Variants in PIK3C3 observed in about 807,000 individuals in gnomAD.
PIK3C3 encodes phosphatidylinositol 3-kinase catalytic subunit type 3.
In PIK3C3, 95 loss-of-function variants were observed where a neutral mutation model predicts 126.1. The ratio of observed to expected loss-of-function variants is 0.75; its 90% CI spans 0.64 to 0.89. The LOEUF (loss-of-function observed/expected upper bound fraction) is 0.89, where lower values mean the gene tolerates loss of function less well. Among genes scored for constraint, PIK3C3 ranks in the 40% least tolerant of loss-of-function variants. The probability of loss-of-function intolerance (pLI) is 0.00; values close to 1 mark genes in which losing one functional copy is unlikely to be tolerated. For synonymous variants in PIK3C3, 374 were observed against 360.0 expected, an observed-to-expected ratio of 1.04 and a Z score of -0.44; for missense variants, 829 against 1,063.2, an observed-to-expected ratio of 0.78 and a Z score of 3.06.
intron 5 of PIK3C3, among the ~76,000 whole-genome samples, chr18:41,988,805 A>G (rs183420713): frequency 6.6e-6 from 1 of 152,272 alleles, no homozygotes; most frequent in East Asian, 1.9e-4. Context: ...CTATATACAT[A>G]AACTGGAAGG....
At chr18:41,970,547 T>TA in intron 4 of PIK3C3, 91 bp downstream of exon 4, 3 of 1,092,150 alleles carry the variant, frequency 2.7e-6, no homozygotes, top group South Asian at 2.6e-5. Context: ...GTCAGATTTT[T>TA]AAAAAATCTA....
intron 10 of PIK3C3, among the ~76,000 whole-genome samples, chr18:42,008,940 T>G (rs1033994364): frequency 6.6e-6 from 1 of 152,088 alleles, no homozygotes; most frequent in African/African-American, 2.4e-5. Context: ...TACCGCAGCC[T>G]TTTTTATGTT....
intron 11 of PIK3C3, among the ~76,000 whole-genome samples, chr18:42,014,812 T>G (rs929891622): frequency 2.0e-5 from 3 of 152,186 alleles, no homozygotes; most frequent in African/African-American, 7.2e-5. Flanking sequence ...TTGTGTGTTT[T>G]ATTTGGAGAA....
chr18:42,000,006 A>C (rs1377478319), intron 9 of PIK3C3, among the ~76,000 whole-genome samples: 5 of 152,220 alleles, frequency 3.3e-5, no homozygotes, highest in Non-Finnish European at 7.3e-5. Flanking sequence ...TACTGGCGAC[A>C]AGAAACGACT....
chr18:42,054,172 A>ATATATCTATATATATATC lies in PIK3C3; in HGVS notation c.2264-3706_2264-3705insCTATATATATATCTATAT, dbSNP rs1568002804. ...TATATATATATATATATATATATAT[A>ATATATCTATATATATATC]TATATATATATATATATATAAAGGG... On this transcript the variant is annotated intron_variant, in intron 21 of 24. Coordinates refer to ENST00000262039, the MANE Select transcript of PIK3C3 (RefSeq NM_002647.4). Among the ~76,000 whole-genome samples, 7 of 68,544 alleles carry ATATATCTATATATATATC rather than the reference A, an allele frequency of 1.0e-4. 1 individual carries two copies. Among genetic ancestry groups the ATATATCTATATATATATC allele is most frequent in the Non-Finnish European group, 2.0e-4 (7 of 35,212 alleles). The allele number at this position is 68,544 out of a possible 152,430, so 45.0% of individuals were successfully genotyped here. A position where few individuals can be genotyped will look rare whatever the true frequency, so the allele number is the denominator to read the frequency against.
rs992947191 is a variant in PIK3C3, at chr18:42,062,133, T to C, written c.2433-2607T>C. ...CAAAACTGACTTTGTATTCTCCTTATGTTACCTTCTGGTAGATTTCCCCAT... is the reference window on the plus strand; with the variant it reads ...CAAAACTGACTTTGTATTCTCCTTACGTTACCTTCTGGTAGATTTCCCCAT... On this transcript the variant is annotated intron_variant, in intron 22 of 24. Coordinates refer to ENST00000262039, the MANE Select transcript of PIK3C3 (RefSeq NM_002647.4). Among the ~76,000 whole-genome samples the C allele has an allele frequency of 3.3e-5, 5 of 152,212 alleles. No homozygotes were observed. The East Asian group carries it at 9.6e-4, about 29-fold the overall frequency.
chr18:42,027,196 T>C, intron 13 of PIK3C3: 1 of 222,298 alleles, frequency 4.5e-6, no homozygotes, highest in Non-Finnish European at 8.9e-6. Flanking sequence ...GTGGCAAAAG[T>C]TTTAGAAAAT....
At chr18:41,985,807 A>G (rs971555437) in intron 4 of PIK3C3, among the ~76,000 whole-genome samples, 1 of 152,150 alleles carries the variant, frequency 6.6e-6, no homozygotes, top group Non-Finnish European at 1.5e-5. Flanking sequence ...AGCTAATCAT[A>G]TGCTATATGG....
intron 9 of PIK3C3, among the ~76,000 whole-genome samples, chr18:42,001,958 T>C (rs1982311844): frequency 1.3e-5 from 2 of 152,180 alleles, no homozygotes; most frequent in Non-Finnish European, 2.9e-5. Flanking sequence ...CAATCTGTGT[T>C]CTATACAGAA....
At chr18:41,959,552 T>C (rs1568109333) in intron 2 of PIK3C3, among the ~76,000 whole-genome samples, 1 of 152,010 alleles carries the variant, frequency 6.6e-6, no homozygotes, top group Non-Finnish European at 1.5e-5. Flanking sequence ...AATAGGCTTT[T>C]TAAAAAAATA....
intron 18 of PIK3C3, 45 bp from the exon 19 acceptor site, chr18:42,040,632 T>C (rs1984269480): frequency 2.3e-6 from 3 of 1,300,816 alleles, no homozygotes; most frequent in Non-Finnish European, 3.3e-6. Flanking sequence ...TTTTTATTTC[T>C]TAACCAGTAG....
Position 42,033,936 on chromosome 18 carries a change from G to A in PIK3C3, c.1818G>A (p.Pro606=), listed in dbSNP as rs762843638. 1.7e-5 allele frequency: 27 copies of A among 1,605,652 alleles called. No individual in the cohort carries two copies. The highest frequency in any genetic ancestry group is 1.6e-4 in the Middle Eastern group (1 of 6,062). Residue 606 remains proline (P), a synonymous_variant, in exon 16 of 25, where the codon CCG becomes CCA. Transcript: ENST00000262039. ...EPQVKIRGII[P]ETATLFKSAL... ...AAGTGAAAATTAGAGGAATAATTCC[G>A]GAAACAGCTACACTGTTTAAAGTAA...
intron 24 of PIK3C3, among the ~76,000 whole-genome samples, chr18:42,069,321 A>G (rs1421093547): frequency 1.3e-5 from 2 of 152,224 alleles, no homozygotes; most frequent in Non-Finnish European, 2.9e-5. Context: ...TGCTCTACAT[A>G]TAGCAGAACA....
In PIK3C3 at chr18:41,977,063, A is replaced by G. The variant is rs558773365; in HGVS notation, c.531+6607A>G. ...ATTGAAAATAGGAGAAAAGGTAGAT[A>G]GAATATGAAGCAGTGTCTACACTGC... On this transcript the variant is annotated intron_variant, in intron 4 of 24. Transcript: ENST00000262039. 2.0e-5 allele frequency among the ~76,000 whole-genome samples: 3 copies of G among 152,346 alleles called. No individual in the cohort carries two copies. The South Asian group carries it at 6.2e-4, about 32-fold the overall frequency.
intron 2 of PIK3C3, 90 bp downstream of exon 2, chr18:41,957,848 G>C: frequency 2.0e-6 from 2 of 986,104 alleles, no homozygotes; most frequent in Non-Finnish European, 3.0e-6. Flanking sequence ...GATTATAGAG[G>C]AATTTCTTAA....
At chr18:42,043,664 TATA>T in intron 19 of PIK3C3, 66 bp from the exon 20 acceptor site, 1 of 981,478 alleles carries the variant, frequency 1.0e-6, no homozygotes, top group African/African-American at 1.6e-5. Flanking sequence ...GGTCACTATT[TATA>T]GTTTCAAAAC....
intron 24 of PIK3C3, 97 bp from the exon 25 acceptor site, chr18:42,081,026 T>C: frequency 1.4e-6 from 1 of 708,204 alleles, no homozygotes; most frequent in Admixed American, 2.7e-5. Context: ...GCACTTTTTA[T>C]TTTATTAGTA....
intron 21 of PIK3C3, among the ~76,000 whole-genome samples, chr18:42,057,365 T>C (rs564070316): frequency 1.3e-5 from 2 of 152,296 alleles, no homozygotes; most frequent in African/African-American, 4.8e-5. Flanking sequence ...ATAGGTGATA[T>C]ATTATTGTAA....
chr18:42,066,087 A>G (rs1985525451), intron 23 of PIK3C3, among the ~76,000 whole-genome samples: 1 of 152,236 alleles, frequency 6.6e-6, no homozygotes, highest in African/African-American at 2.4e-5. Flanking sequence ...TAAGGAAATC[A>G]AAAGATCGAA....
Sources: allele counts gnomAD v4.1 joint callset (sites outside exome capture counted in the v4.1 genomes callset), GRCh38; gene constraint gnomAD v4.1.1; transcripts MANE v1.5; gene names NCBI Gene and HGNC (gene_info 2026-07-23, HGNC 2026-07-21).